PDS5A: variants seen among roughly 807,000 people sequenced by gnomAD.
PDS5A encodes sister chromatid cohesion protein PDS5 homolog A.
In PDS5A, 42 loss-of-function variants were observed where a neutral mutation model predicts 167.1. That is an observed-to-expected ratio of 0.25 (90% CI 0.20 to 0.33). The LOEUF (loss-of-function observed/expected upper bound fraction) is 0.33, where lower values mean the gene tolerates loss of function less well. Ranked by LOEUF, PDS5A falls within the 10% of genes least tolerant of loss-of-function variation. PDS5A has a pLI of 1.00. For synonymous variants in PDS5A, 553 were observed against 554.6 expected (o/e 1.00, Z 0.04); for missense variants, 1,033 against 1,605.9 (o/e 0.64, Z 6.10).
chr4:39,900,650 T>C, intron 13 of PDS5A, 143 bp from the exon 14 acceptor site: 1 of 613,714 alleles, frequency 1.6e-6, no homozygotes. Context: ...ATATATTTAT[T>C]AGGATTTAAA....
chr4:39,977,669 C>A lies in PDS5A; in HGVS notation c.-253G>T. The A allele has an allele frequency of 6.6e-6, 1 of 151,536 alleles. No individual in the cohort carries two copies. The highest frequency in any genetic ancestry group is 1.5e-5 in the Non-Finnish European group (1 of 67,962). The allele number at this position is 151,536 out of a possible 1,614,324, so 9.4% of individuals were successfully genotyped here. Reference sequence around the variant, plus strand: ...AGACGCGGGGCGAGTGAGCGCTGGGCGGGGAGACAGTGCCGCTCTCCGTCT... The same window carrying A: ...AGACGCGGGGCGAGTGAGCGCTGGGAGGGGAGACAGTGCCGCTCTCCGTCT... On this transcript the variant is annotated 5_prime_UTR_variant, in exon 1 of 33. Coordinates refer to ENST00000303538, the MANE Select transcript of PDS5A (RefSeq NM_001100399.2). This position sits in a 1 kb window ranked among gnomAD's most constrained non-coding sequence, Gnocchi z 4.2.
chr4:39,887,787 C>T (rs2109612407), intron 17 of PDS5A, among the ~76,000 whole-genome samples: 1 of 152,214 alleles, frequency 6.6e-6, no homozygotes, highest in East Asian at 1.9e-4. Context: ...GAAGAGACAA[C>T]CCACAGAATG....
chr4:39,868,232 C>T (rs966569632), intron 22 of PDS5A, among the ~76,000 whole-genome samples: 1 of 152,226 alleles, frequency 6.6e-6, no homozygotes, highest in African/African-American at 2.4e-5. Context: ...ATGATCACAA[C>T]TCACTGTAGC....
chr4:39,846,028 C>CA, intron 28 of PDS5A, 148 bp from the exon 29 acceptor site: 1 of 667,204 alleles, frequency 1.5e-6, no homozygotes, highest in Non-Finnish European at 2.1e-6. Flanking sequence ...ATCAAACAAT[C>CA]AAAACAATCA....
chr4:39,959,639 G>A (rs1453534069), intron 2 of PDS5A, among the ~76,000 whole-genome samples: 2 of 152,092 alleles, frequency 1.3e-5, no homozygotes, highest in African/African-American at 2.4e-5. Context: ...CACCCAGCAA[G>A]GCATTAATTT....
chr4:39,831,045 G>C (rs1560408955), intron 32 of PDS5A, among the ~76,000 whole-genome samples: 1 of 152,200 alleles, frequency 6.6e-6, no homozygotes, highest in Non-Finnish European at 1.5e-5. Context: ...TCCACTTTTG[G>C]GAGGAAATGA....
intron 26 of PDS5A, among the ~76,000 whole-genome samples, chr4:39,855,009 T>G (rs557403423): frequency 2.5e-4 from 38 of 152,326 alleles, no homozygotes; most frequent in South Asian, 1.0e-3. Context: ...AGTACGATTT[T>G]TCAAATTCAA....
intron 9 of PDS5A, among the ~76,000 whole-genome samples, chr4:39,911,169 G>A (rs1039058873): frequency 1.3e-5 from 2 of 152,002 alleles, no homozygotes; most frequent in African/African-American, 4.8e-5. Flanking sequence ...ACAAACACTG[G>A]GAAACTTGAG....
At chr4:39,973,624 G>A in intron 2 of PDS5A, 2 of 1,300,954 alleles carry the variant, frequency 1.5e-6, no homozygotes, top group South Asian at 1.2e-5. Flanking sequence ...AGCCACTAAA[G>A]CAGTTACAGA....
At chr4:39,975,239 GCA>G (rs1730978403) in intron 2 of PDS5A, among the ~76,000 whole-genome samples, 1 of 151,962 alleles carries the variant, frequency 6.6e-6, no homozygotes, top group Non-Finnish European at 1.5e-5. Flanking sequence ...TCCCGCCGCC[GCA>G]CACAGATTTG....
At chr4:39,944,837 C>T (rs1211189021) in intron 2 of PDS5A, among the ~76,000 whole-genome samples, 4 of 151,886 alleles carry the variant, frequency 2.6e-5, no homozygotes, top group Non-Finnish European at 5.9e-5. Flanking sequence ...CGAGTGAAGA[C>T]GATATGATAC....
chr4:39,921,980 T>C (rs919885732), intron 6 of PDS5A, among the ~76,000 whole-genome samples: 1 of 152,204 alleles, frequency 6.6e-6, no homozygotes, highest in Non-Finnish European at 1.5e-5. Flanking sequence ...TTTCCTCTAA[T>C]GTCTGATAAC....
rs1731259585 is a variant in PDS5A at position 39,977,709 on chromosome 4, A to C, written c.-293T>G. 6.7e-6 allele frequency: 1 copy of C among 149,804 alleles called. No homozygotes were observed. Among genetic ancestry groups the C allele is most frequent in the Non-Finnish European group, 1.5e-5 (1 of 67,080 alleles). 9.3% of individuals were successfully genotyped at this position (149,804 alleles called of 1,614,324 possible). On this transcript the variant is annotated 5_prime_UTR_variant, in exon 1 of 33. Coordinates refer to ENST00000303538, the MANE Select transcript of PDS5A (RefSeq NM_001100399.2). The surrounding 1 kb of genome is among the most constrained non-coding windows in gnomAD (Gnocchi z 4.2). Reference sequence around the variant, plus strand: ...GCTCTCCGTCTGGCCGAGGAAGAGCAGCCTCGAAGGCTCCTCCGGGAGTGT... The same window carrying C: ...GCTCTCCGTCTGGCCGAGGAAGAGCCGCCTCGAAGGCTCCTCCGGGAGTGT...
chr4:39,840,728 A>G (rs936115903), intron 31 of PDS5A, among the ~76,000 whole-genome samples: 2 of 151,852 alleles, frequency 1.3e-5, no homozygotes, highest in Non-Finnish European at 1.5e-5. Flanking sequence ...CAGGCAAGTA[A>G]TTTTTGCACT....
intron 2 of PDS5A, among the ~76,000 whole-genome samples, chr4:39,966,856 G>C (rs568310125): frequency 6.6e-6 from 1 of 150,904 alleles, no homozygotes; most frequent in African/African-American, 2.4e-5. Context: ...AAAATTAGCC[G>C]GGTGTAGTGG....
At chr4:39,943,265 T>C (rs896423636) in intron 2 of PDS5A, among the ~76,000 whole-genome samples, 1 of 152,076 alleles carries the variant, frequency 6.6e-6, no homozygotes, top group Non-Finnish European at 1.5e-5. Context: ...TCAATTTCAT[T>C]CAATTTCAAC....
At chr4:39,868,562 C>CA (rs1241187179) in intron 22 of PDS5A, 1 of 433,788 alleles carries the variant, frequency 2.3e-6, no homozygotes, top group African/African-American at 2.0e-5. Context: ...CTCCTGACCC[C>CA]AAGTGATCTG....
At chr4:39,908,269 T>C in intron 11 of PDS5A, 126 bp downstream of exon 11, 1 of 766,730 alleles carries the variant, frequency 1.3e-6, no homozygotes, top group Non-Finnish European at 2.3e-6. Context: ...AATTAGGAGC[T>C]CTTTATCATT....
chr4:39,915,186 G>A (rs1724249862), intron 8 of PDS5A, among the ~76,000 whole-genome samples: 1 of 151,560 alleles, frequency 6.6e-6, no homozygotes, highest in Non-Finnish European at 1.5e-5. Context: ...ATACAGGTGT[G>A]CATCACCACA....
Sources: allele counts gnomAD v4.1 joint callset (sites outside exome capture counted in the v4.1 genomes callset), GRCh38; gene constraint gnomAD v4.1.1; non-coding constraint Gnocchi (gnomAD v3.1); transcripts MANE v1.5; gene names NCBI Gene and HGNC (gene_info 2026-07-23, HGNC 2026-07-21).